The following MTDH variants were observed in gnomAD, a reference collection of about 807,000 sequenced individuals.
MTDH encodes the protein protein LYRIC.
Under a neutral mutation model 72.7 loss-of-function variants are expected in MTDH, and 34 were observed. The observed-to-expected ratio is 0.47, with a 90% confidence interval of 0.36 to 0.62. MTDH has a LOEUF of 0.62. MTDH is among the 20% of genes least tolerant of loss of function. MTDH has a pLI of 0.00. For missense variants in MTDH, 677 were observed against 699.4 expected (o/e 0.97, Z 0.36); for synonymous variants, 266 against 268.9 (o/e 0.99, Z 0.10).
Position 97,669,758 on chromosome 8 carries a change from A to G in MTDH, c.483+8585A>G, listed in dbSNP as rs376937642. On this transcript the variant is annotated intron_variant, in intron 2 of 11. Coordinates refer to ENST00000336273, the MANE Select transcript of MTDH (RefSeq NM_178812.4). ...ATGGTGAAATCCCGTCTGTACTGAA[A>G]ATACAAAATTAGCTGGGCATGATGG... is the stretch of plus-strand genomic sequence containing the variant. 3.3e-5 allele frequency among the ~76,000 whole-genome samples: 5 copies of G among 151,988 alleles called. No homozygotes were observed. In the East Asian group the frequency reaches 7.8e-4, roughly 24 times the overall value.
intron 2 of MTDH, among the ~76,000 whole-genome samples, chr8:97,684,052 G>C (rs1414476905): frequency 6.6e-6 from 1 of 150,868 alleles, no homozygotes; most frequent in Non-Finnish European, 1.5e-5. Context: ...CAGGAGAATC[G>C]CTTGAACCCA....
chr8:97,716,129 A>G (rs914829527), intron 9 of MTDH, among the ~76,000 whole-genome samples: 5 of 151,898 alleles, frequency 3.3e-5, no homozygotes, highest in Non-Finnish European at 5.9e-5. Flanking sequence ...GCTCACGCCT[A>G]TAATCCCAGC....
chr8:97,698,994 T>C (rs560989264), intron 6 of MTDH, among the ~76,000 whole-genome samples: 1 of 150,890 alleles, frequency 6.6e-6, no homozygotes, highest in Admixed American at 6.6e-5. Context: ...TTTTTAAAAA[T>C]AAGCCAGGAG....
chr8:97,683,046 T>A (rs1322799856), intron 2 of MTDH, among the ~76,000 whole-genome samples: 1 of 50,124 alleles, frequency 2.0e-5, no homozygotes, highest in Non-Finnish European at 3.3e-5. Flanking sequence ...TCTTAGACAC[T>A]TTTTTTTTTT....
chr8:97,644,425 G>C lies in MTDH; in HGVS notation c.-82G>C. On this transcript the variant is annotated 5_prime_UTR_variant, in exon 1 of 12. Transcript: ENST00000336273. ...GCTCGGCCTGAGGTTACCCGGCCCG[G>C]CCCTTCCTCGCTTCCCTCGACTATT... is the stretch of plus-strand genomic sequence containing the variant. 6.7e-7 allele frequency: 1 copy of C among 1,485,942 alleles called. No homozygotes were observed. 92.0% of individuals were successfully genotyped at this position (1,485,942 alleles called of 1,614,324 possible). A position where few individuals can be genotyped will look rare whatever the true frequency, so the allele number is the denominator to read the frequency against.
chr8:97,684,208 G>A (rs569761013), intron 2 of MTDH, among the ~76,000 whole-genome samples: 27 of 150,334 alleles, frequency 1.8e-4, no homozygotes, highest in South Asian at 4.2e-4. Flanking sequence ...GCCAGATTTC[G>A]AAGACTTACT....
Position 97,727,687 on chromosome 8 carries a change from C to G in MTDH, c.*3017C>G, listed in dbSNP as rs752939280. On this transcript the variant is annotated 3_prime_UTR_variant, in exon 12 of 12. Coordinates refer to ENST00000336273, the MANE Select transcript of MTDH (RefSeq NM_178812.4). ...GGCTTTATCAGGCCTGGAGGGGAAC[C>G]TTGCTCATGTTAGCAAGAAAGGTAT... 7 of 151,988 alleles carry G rather than the reference C, an allele frequency of 4.6e-5. No homozygotes were observed. The highest frequency in any genetic ancestry group is 8.8e-5 in the Non-Finnish European group (6 of 67,994). 9.4% of individuals were successfully genotyped at this position (151,988 alleles called of 1,614,324 possible). A position where few individuals can be genotyped will look rare whatever the true frequency, so the allele number is the denominator to read the frequency against.
At chr8:97,656,787 G>A (rs1811995571) in intron 1 of MTDH, among the ~76,000 whole-genome samples, 1 of 151,510 alleles carries the variant, frequency 6.6e-6, no homozygotes, top group Non-Finnish European at 1.5e-5. Flanking sequence ...GTCACTTGAG[G>A]CCAGGAGTTC....
intron 2 of MTDH, among the ~76,000 whole-genome samples, chr8:97,673,767 G>T (rs949976798): frequency 1.3e-5 from 2 of 151,764 alleles, no homozygotes; most frequent in African/African-American, 4.8e-5. Flanking sequence ...TTGAGCTCCA[G>T]AGTTCAAGAC....
Position 97,699,747 on chromosome 8 carries a change from AT to A in MTDH, c.1049-4del, listed in dbSNP as rs1814026470. 6.3e-7 allele frequency: 1 copy of A among 1,583,576 alleles called. No homozygotes were observed. The highest frequency in any genetic ancestry group is 8.7e-7 in the Non-Finnish European group (1 of 1,154,106). Reference sequence around the variant, plus strand: ...TTTAATTTTATTGCATTCGTTTTTCATTTAAGGGTCTACTGCTGAGCCAGTT... The same window carrying A: ...TTTAATTTTATTGCATTCGTTTTTCATTAAGGGTCTACTGCTGAGCCAGTT... On this transcript the variant is annotated splice_region_variant and splice_polypyrimidine_tract_variant and intron_variant, in intron 6 of 11. Coordinates refer to ENST00000336273, the MANE Select transcript of MTDH (RefSeq NM_178812.4).
intron 2 of MTDH, among the ~76,000 whole-genome samples, chr8:97,661,883 A>C (rs1158918823): frequency 1.3e-5 from 2 of 150,518 alleles, no homozygotes; most frequent in Non-Finnish European, 3.0e-5. Context: ...AGATTGTGCT[A>C]ATTCACTCCA....
At chr8:97,658,606 G>A (rs1304074402) in intron 1 of MTDH, among the ~76,000 whole-genome samples, 4 of 152,140 alleles carry the variant, frequency 2.6e-5, no homozygotes, top group Non-Finnish European at 5.9e-5. Context: ...AATGAAGGTG[G>A]TATATGGCAG....
intron 1 of MTDH, among the ~76,000 whole-genome samples, chr8:97,654,567 T>A (rs934528334): frequency 6.6e-6 from 1 of 151,938 alleles, no homozygotes; most frequent in Non-Finnish European, 1.5e-5. Flanking sequence ...TTTTTTTTTT[T>A]AATTATACTT....
chr8:97,708,201 G>T (rs1469579789), intron 8 of MTDH, among the ~76,000 whole-genome samples: 1 of 146,534 alleles, frequency 6.8e-6, no homozygotes, highest in Admixed American at 6.9e-5. Flanking sequence ...CTGACCTCAA[G>T]TGATCCACCT....
At chr8:97,700,788 A>C (rs1302138913) in intron 7 of MTDH, among the ~76,000 whole-genome samples, 1 of 152,182 alleles carries the variant, frequency 6.6e-6, no homozygotes, top group East Asian at 1.9e-4. Flanking sequence ...TAAATGGAGG[A>C]GGGTGGTATT....
chr8:97,705,216 G>A (rs567549219), intron 7 of MTDH, among the ~76,000 whole-genome samples: 1 of 151,900 alleles, frequency 6.6e-6, no homozygotes, highest in East Asian at 1.9e-4. Flanking sequence ...AGAATCGCTT[G>A]AACCCGGGAG....
intron 2 of MTDH, among the ~76,000 whole-genome samples, chr8:97,674,514 A>C (rs1034155006): frequency 6.6e-6 from 1 of 152,220 alleles, no homozygotes; most frequent in Admixed American, 6.5e-5. Flanking sequence ...CAGTTTGTAT[A>C]TATATTTGGG....
At chr8:97,709,678 T>C (rs1246736118) in intron 8 of MTDH, among the ~76,000 whole-genome samples, 1 of 152,248 alleles carries the variant, frequency 6.6e-6, no homozygotes, top group Admixed American at 6.5e-5. Flanking sequence ...GTCATTTATG[T>C]AACTTTTTAT....
chr8:97,718,285 T>C (rs1586284450), intron 9 of MTDH, among the ~76,000 whole-genome samples: 2 of 149,528 alleles, frequency 1.3e-5, no homozygotes, highest in African/African-American at 4.9e-5. Flanking sequence ...TCAGGTGATC[T>C]GCCTGCCTCA....
Sources: gnomAD v4.1 joint callset for allele counts (sites outside exome capture counted in the v4.1 genomes callset) on GRCh38, gnomAD v4.1.1 for gene constraint, MANE v1.5 for transcripts, NCBI Gene and HGNC (gene_info 2026-07-23, HGNC 2026-07-21) for gene names.